The following UROS variants were observed in gnomAD, a reference collection of about 807,000 sequenced individuals.
UROS encodes uroporphyrinogen-III synthase.
A neutral mutation model predicts 33.0 loss-of-function variants in UROS; 18 were observed. The observed-to-expected ratio is 0.55, with a 90% CI of 0.38 to 0.81. The LOEUF (loss-of-function observed/expected upper bound fraction) is 0.81, where lower values mean the gene tolerates loss of function less well. UROS is among the 30% of genes least tolerant of loss of function. The pLI is 0.00. For missense variants in UROS, 293 were observed against 314.9 expected, an observed-to-expected ratio of 0.93 and a Z score of 0.53; for synonymous variants, 114 against 121.1, an observed-to-expected ratio of 0.94 and a Z score of 0.38.
intron 4 of UROS, among the ~76,000 whole-genome samples, chr10:125,814,787 T>G (rs1853150502): frequency 6.6e-6 from 1 of 152,184 alleles, no homozygotes; most frequent in Non-Finnish European, 1.5e-5. Context: ...TGATACCTTC[T>G]AAGGGGATAT....
intron 5 of UROS, among the ~76,000 whole-genome samples, chr10:125,808,666 A>C (rs550791634): frequency 2.6e-5 from 4 of 152,384 alleles, no homozygotes; most frequent in Admixed American, 2.0e-4. Flanking sequence ...TTTGCTGATC[A>C]CAAAGTAAGC....
At chr10:125,799,010 AT>A (rs2133850115) in intron 6 of UROS, among the ~76,000 whole-genome samples, 1 of 152,356 alleles carries the variant, frequency 6.6e-6, no homozygotes, top group East Asian at 1.9e-4. Flanking sequence ...GGCGTTATTC[AT>A]ACACATTGTA....
At chr10:125,821,796 C>T (rs996240963) in intron 1 of UROS, among the ~76,000 whole-genome samples, 2 of 152,130 alleles carry the variant, frequency 1.3e-5, no homozygotes, top group African/African-American at 4.8e-5. Context: ...ATTACAGGAA[C>T]ATGTTTTTGC....
Position 125,788,843 on chromosome 10 carries a change from A to G in UROS, c.*25T>C. ...AGCCAGCCCAGCCCAGGGAGGCTGC[A>G]TGGGGCCAGCGCTAGGTGGCTGACT... is the stretch of plus-strand genomic sequence containing the variant. On this transcript the variant is annotated 3_prime_UTR_variant, in exon 10 of 10. Transcript: ENST00000368797. The G allele has an allele frequency of 6.4e-7, 1 of 1,565,170 alleles. No individual in the cohort carries two copies. The highest frequency in any genetic ancestry group is 8.6e-7 in the Non-Finnish European group (1 of 1,156,316).
downstream of UROS, among the ~76,000 whole-genome samples, chr10:125,787,858 G>A (rs1850677839): frequency 6.6e-6 from 1 of 152,148 alleles, no homozygotes. Context: ...CTCCTACGAG[G>A]TGGCTGATGA....
At chr10:125,789,999 A>G (rs1850805496) in intron 9 of UROS, among the ~76,000 whole-genome samples, 1 of 152,236 alleles carries the variant, frequency 6.6e-6, no homozygotes, top group African/African-American at 2.4e-5. Context: ...GCCCCTGCCC[A>G]GCACTCCGCT....
chr10:125,822,135 A>G (rs1853977577), intron 1 of UROS, among the ~76,000 whole-genome samples: 1 of 152,120 alleles, frequency 6.6e-6, no homozygotes, highest in African/African-American at 2.4e-5. Flanking sequence ...AGAACCGCAG[A>G]TCTTATTCCT....
chr10:125,796,569 C>T (rs1010780099), intron 7 of UROS, among the ~76,000 whole-genome samples: 3 of 152,216 alleles, frequency 2.0e-5, no homozygotes, highest in African/African-American at 7.2e-5. Flanking sequence ...GTAGGAAGGG[C>T]AGCTCTTGGG....
rs953335910 is a variant in UROS at position 125,789,023 on chromosome 10, A to G, written c.661-18T>C. ...GCTGCAAACTATAAAGACAGAAGAG[A>G]AAACAGGGCTTCAGCACACCAGGAG... is the stretch of plus-strand genomic sequence containing the variant. On this transcript the variant is annotated intron_variant, in intron 9 of 9. Transcript: ENST00000368797. 2 of 1,612,534 alleles carry G rather than the reference A, an allele frequency of 1.2e-6. No individual in the cohort carries two copies. The highest frequency in any genetic ancestry group is 1.7e-6 in the Non-Finnish European group (2 of 1,179,934).
Position 125,816,267 on chromosome 10 carries a change from T to C in UROS, c.64-7A>G, listed in dbSNP as rs1853310601. 6.2e-7 allele frequency: 1 copy of C among 1,613,600 alleles called. No individual in the cohort carries two copies. The highest frequency in any genetic ancestry group is 1.1e-5 in the South Asian group (1 of 91,066). On this transcript the variant is annotated splice_polypyrimidine_tract_variant and splice_region_variant and intron_variant, in intron 2 of 9. Transcript: ENST00000368797. Reference sequence around the variant, plus strand: ...GTCCATATAATCCTAATTCCTGAAATGAAAGAATATAGTTCTGGATTGGCT... The same window carrying C: ...GTCCATATAATCCTAATTCCTGAAACGAAAGAATATAGTTCTGGATTGGCT...
rs1326444663 is a variant in UROS at position 125,788,914 on chromosome 10, A to G, written c.752T>C (p.Leu251Pro). 6.2e-7 allele frequency: 1 copy of G among 1,607,660 alleles called. No individual in the cohort carries two copies. The highest frequency in any genetic ancestry group is 8.5e-7 in the Non-Finnish European group (1 of 1,178,330). Residue 251 changes from leucine (L) to proline (P), a missense_variant, in exon 10 of 10, where the codon CTG (leucine) becomes CCG (proline). Physicochemically the swap from Leu to Pro is moderately conservative, Grantham distance 98. Coordinates refer to ENST00000368797, the MANE Select transcript of UROS (RefSeq NM_000375.3). ...GAGAGCCTTCCTGATGCCAGTGGCCAGGGCTTGTGGCGTGGGGCTCTCTGC... is the reference window on the plus strand; with the variant it reads ...GAGAGCCTTCCTGATGCCAGTGGCCGGGGCTTGTGGCGTGGGGCTCTCTGC... ...CTAESPTPQA[L>P]ATGIRKALQP...
chr10:125,787,379 T>C (rs1850663358), downstream of UROS, among the ~76,000 whole-genome samples: 1 of 152,192 alleles, frequency 6.6e-6, no homozygotes, highest in Non-Finnish European at 1.5e-5. Flanking sequence ...TCCGGGCTTG[T>C]CTTGCTTCTC....
chr10:125,822,283 G>T (rs1232834486), intron 1 of UROS, among the ~76,000 whole-genome samples: 1 of 151,530 alleles, frequency 6.6e-6, no homozygotes, highest in Non-Finnish European at 1.5e-5. Flanking sequence ...AATAGGCTCG[G>T]GTCTTTAACC....
At chr10:125,795,187 A>G (rs943922787) in intron 8 of UROS, 3 of 602,576 alleles carry the variant, frequency 5.0e-6, no homozygotes, top group Admixed American at 2.4e-5. Context: ...TGCCATCAGA[A>G]AGCTGGTGCT....
In UROS at chr10:125,794,939, G is replaced by A. The variant is rs746091499; in HGVS notation, c.601C>T (p.Leu201Phe). 1 of 1,614,180 alleles carries A rather than the reference G, an allele frequency of 6.2e-7. No homozygotes were observed. The highest frequency in any genetic ancestry group is 8.5e-7 in the Non-Finnish European group (1 of 1,180,020). The change falls in exon 9 of 10, where the codon CTC (leucine) becomes TTC (phenylalanine). Residue 201 changes from leucine (L) to phenylalanine (F), a missense_variant. Physicochemically the swap from Leu to Phe is conservative, Grantham distance 22. Coordinates refer to ENST00000368797, the MANE Select transcript of UROS (RefSeq NM_000375.3). Reference sequence around the variant, plus strand: ...TGAATGTGCTTGAGACTGTATGTGAGGCCAGAGGGACTAAAAAATGTGATG... The same window carrying A: ...TGAATGTGCTTGAGACTGTATGTGAAGCCAGAGGGACTAAAAAATGTGATG... ...ASITFFSPSG[L>F]TYSLKHIQEL... is the part of the protein sequence containing the mutation.
chr10:125,802,138 A>G, intron 6 of UROS: 1 of 985,496 alleles, frequency 1.0e-6, no homozygotes, highest in African/African-American at 1.7e-5. Context: ...ATGACTCTCT[A>G]GAAACAACAT....
intron 5 of UROS, among the ~76,000 whole-genome samples, chr10:125,808,464 T>C (rs1186419504): frequency 6.6e-6 from 1 of 152,250 alleles, no homozygotes; most frequent in Non-Finnish European, 1.5e-5. Context: ...GGACCTCCTG[T>C]CTGAGCTTAG....
At chr10:125,821,901 TA>T (rs1001027732) in intron 1 of UROS, among the ~76,000 whole-genome samples, 1 of 152,096 alleles carries the variant, frequency 6.6e-6, no homozygotes, top group Non-Finnish European at 1.5e-5. Context: ...CATGGCTGGG[TA>T]GACAAGAGAC....
At chr10:125,785,678 G>A (rs1850615415), downstream of UROS, 1 of 152,216 alleles carries the variant, frequency 6.6e-6, no homozygotes, top group South Asian at 2.1e-4. Context: ...TCCCATCAAT[G>A]AGCTGTGGCC....
Sources: allele counts gnomAD v4.1 joint callset (sites outside exome capture counted in the v4.1 genomes callset), GRCh38; gene constraint gnomAD v4.1.1; transcripts MANE v1.5; gene names NCBI Gene and HGNC (gene_info 2026-07-23, HGNC 2026-07-21).